Variants in PPP2R2B observed in about 807,000 individuals in gnomAD.
PPP2R2B encodes the protein protein phosphatase 2 regulatory subunit Bbeta.
Under a neutral mutation model 46.0 loss-of-function variants are expected in PPP2R2B, and 5 were observed. The observed-to-expected ratio is 0.11, with a 90% confidence interval of 0.06 to 0.23. PPP2R2B has a LOEUF of 0.23. Among genes scored for constraint, PPP2R2B ranks in the 10% least tolerant of loss-of-function variants. The pLI is 1.00. For missense variants in PPP2R2B, 367 were observed against 575.0 expected (o/e 0.64, Z 3.70); for synonymous variants, 215 against 206.7 (o/e 1.04, Z -0.34).
intron 7 of PPP2R2B, among the ~76,000 whole-genome samples, chr5:146,601,786 C>CTTCTAGTG (rs1180137725): frequency 6.6e-6 from 1 of 152,110 alleles, no homozygotes; most frequent in African/African-American, 2.4e-5. Flanking sequence ...GAGGTCTGGA[C>CTTCTAGTG]TTCTAGTGTA....
At chr5:146,783,016 A>T (rs1755629406) in intron 2 of PPP2R2B, among the ~76,000 whole-genome samples, 1 of 152,154 alleles carries the variant, frequency 6.6e-6, no homozygotes, top group Non-Finnish European at 1.5e-5. Context: ...CTTTTAGTGA[A>T]TTTCCCCCAA....
intron 2 of PPP2R2B, among the ~76,000 whole-genome samples, chr5:146,746,991 T>C (rs946368966): frequency 6.6e-6 from 1 of 152,186 alleles, no homozygotes; most frequent in Non-Finnish European, 1.5e-5. Flanking sequence ...ATATCATCTG[T>C]GGAGGAAGCA....
At chr5:146,724,769 G>A (rs974255882) in intron 2 of PPP2R2B, among the ~76,000 whole-genome samples, 1 of 151,926 alleles carries the variant, frequency 6.6e-6, no homozygotes, top group Non-Finnish European at 1.5e-5. Flanking sequence ...ATCTCAAAAT[G>A]GTATACAAAA....
chr5:147,043,656 T>C (rs1756416191), intron 1 of PPP2R2B, among the ~76,000 whole-genome samples: 1 of 152,190 alleles, frequency 6.6e-6, no homozygotes. Context: ...CCTCAGACTT[T>C]GCTGCATGCT....
intron 1 of PPP2R2B, among the ~76,000 whole-genome samples, chr5:147,004,464 C>T (rs569956874): frequency 2.6e-5 from 4 of 152,304 alleles, no homozygotes; most frequent in Admixed American, 2.0e-4. Context: ...CAATGTTAAT[C>T]TCTTGTCCTG....
At chr5:146,974,791 C>A (rs936711427) in intron 1 of PPP2R2B, among the ~76,000 whole-genome samples, 1 of 151,138 alleles carries the variant, frequency 6.6e-6, no homozygotes, top group African/African-American at 2.4e-5. Context: ...CGGGTTCACG[C>A]CATTCTCCTG....
chr5:146,722,110 G>A (rs1780841008), intron 2 of PPP2R2B, among the ~76,000 whole-genome samples: 2 of 152,118 alleles, frequency 1.3e-5, no homozygotes, highest in South Asian at 4.1e-4. Context: ...GGCAGAACCA[G>A]CCTTCTAACA....
At chr5:146,882,102 C>G (rs1280648103), upstream of PPP2R2B, among the ~76,000 whole-genome samples, 4 of 151,738 alleles carry the variant, frequency 2.6e-5, no homozygotes, top group African/African-American at 9.7e-5. Context: ...ATGGTGAAAC[C>G]CTGTCTCTAC....
intron 1 of PPP2R2B, among the ~76,000 whole-genome samples, chr5:146,996,023 G>T (rs919761627): frequency 1.3e-5 from 2 of 152,188 alleles, no homozygotes; most frequent in Non-Finnish European, 2.9e-5. Flanking sequence ...CAATTTTTGT[G>T]AGTGGTTGGG....
At chr5:147,056,040 T>C (rs1022115213), upstream of PPP2R2B, 1 of 1,193,678 alleles carries the variant, frequency 8.4e-7, no homozygotes, top group African/African-American at 1.5e-5. Context: ...AGTAAGTCAG[T>C]CCTGCCTGTA....
At chr5:146,875,730 C>A (rs922465708) in intron 2 of PPP2R2B, among the ~76,000 whole-genome samples, 1 of 152,200 alleles carries the variant, frequency 6.6e-6, no homozygotes, top group African/African-American at 2.4e-5. Context: ...GGACTAGAAG[C>A]TAATTCCCCA....
At chr5:146,701,444 A>G (rs549348646) in intron 2 of PPP2R2B, among the ~76,000 whole-genome samples, 17 of 152,290 alleles carry the variant, frequency 1.1e-4, no homozygotes, top group Non-Finnish European at 2.1e-4. Flanking sequence ...GGAAATGGCT[A>G]TTTTCTTTGA....
chr5:146,891,970 C>G (rs1321220419), intron 1 of PPP2R2B, among the ~76,000 whole-genome samples: 1 of 152,194 alleles, frequency 6.6e-6, no homozygotes, highest in Non-Finnish European at 1.5e-5. Flanking sequence ...ACATCACATG[C>G]TCTGCCTTGA....
intron 2 of PPP2R2B, among the ~76,000 whole-genome samples, chr5:146,713,177 G>A (rs781380908): frequency 6.6e-5 from 10 of 152,182 alleles, no homozygotes; most frequent in East Asian, 1.9e-4. Context: ...GAGTGGAGGC[G>A]TTCACGATGC....
upstream of PPP2R2B, among the ~76,000 whole-genome samples, chr5:146,882,988 T>C (rs1284234403): frequency 2.0e-5 from 3 of 152,330 alleles, no homozygotes; most frequent in African/African-American, 7.2e-5. Flanking sequence ...ATACCCACTC[T>C]TCCTTCCTTA....
upstream of PPP2R2B, among the ~76,000 whole-genome samples, chr5:147,060,403 G>GCCC (rs1416189854): frequency 6.6e-6 from 1 of 152,194 alleles, no homozygotes; most frequent in Non-Finnish European, 1.5e-5. Flanking sequence ...GCAGTGGGCA[G>GCCC]ATCACTTGAA....
At chr5:146,840,584 C>T (rs7446269) in intron 2 of PPP2R2B, among the ~76,000 whole-genome samples, 92,024 of 152,000 alleles carry the variant, frequency 0.61, 29,388 homozygotes, top group Non-Finnish European at 0.72. Flanking sequence ...TCCTAAAATA[C>T]CCAAAGGGGT....
At chr5:146,725,822 CA>C (rs1305141312) in intron 2 of PPP2R2B, among the ~76,000 whole-genome samples, 1 of 152,178 alleles carries the variant, frequency 6.6e-6, no homozygotes, top group Non-Finnish European at 1.5e-5. Flanking sequence ...CCACTATGTC[CA>C]TCTTCCTCAC....
rs1343962652 is a variant in PPP2R2B, at chr5:146,951,348, CT to C, written c.79+104316del. On this transcript the variant is annotated intron_variant, in intron 1 of 8. Coordinates refer to the PPP2R2B transcript ENST00000336640. ...ATTCCCCGTTTAAAGTTCCTCATGC[CT>C]TTTTTTTTTAAAAATTAAGTTCCAG... Among the ~76,000 whole-genome samples, 445 of 150,522 alleles carry C rather than the reference CT, an allele frequency of 3.0e-3. 6 individuals carry two copies. The highest frequency in any genetic ancestry group is 9.5e-3 in the African/African-American group (390 of 41,174).
Sources: allele counts gnomAD v4.1 joint callset (sites outside exome capture counted in the v4.1 genomes callset), GRCh38; gene constraint gnomAD v4.1.1; transcripts MANE v1.5; gene names NCBI Gene and HGNC (gene_info 2026-07-23, HGNC 2026-07-21).